EPHA6: variants seen among roughly 807,000 people sequenced by gnomAD.
EPHA6 encodes ephrin type-A receptor 6.
In EPHA6, 50 loss-of-function variants were observed where a neutral mutation model predicts 112.0. That is an observed-to-expected ratio of 0.45 (90% CI 0.36 to 0.56). The LOEUF is 0.56. Ranked by LOEUF, EPHA6 falls within the 20% of genes least tolerant of loss-of-function variation. The pLI is 0.00. For synonymous variants in EPHA6, 529 were observed against 490.7 expected (o/e 1.08, Z -1.03); for missense variants, 1,280 against 1,417.4 (o/e 0.90, Z 1.56).
At chr3:97,177,687 C>T (rs560108536) in intron 3 of EPHA6, among the ~76,000 whole-genome samples, 98 of 151,982 alleles carry the variant, frequency 6.4e-4, no homozygotes, top group African/African-American at 2.2e-3. Context: ...TAATCGACCC[C>T]TTTATCATCA....
At position 97,329,606 on chromosome 3, in the gene EPHA6, A is replaced by C. The variant is rs1011237978; in HGVS notation, c.1607-75544A>C. ...TTTTTCATGTGTCTTTTGGCTGCATAAATGTCTTCTTCTGAGAAGTGTCTG... is the reference window on the plus strand; with the variant it reads ...TTTTTCATGTGTCTTTTGGCTGCATCAATGTCTTCTTCTGAGAAGTGTCTG... On this transcript the variant is annotated intron_variant, in intron 5 of 17. Coordinates refer to ENST00000389672, the MANE Select transcript of EPHA6 (RefSeq NM_001080448.3). 2.1e-3 allele frequency among the ~76,000 whole-genome samples: 324 copies of C among 152,188 alleles called. 1 individual carries two copies. Among genetic ancestry groups the C allele is most frequent in the African/African-American group, 6.9e-3 (288 of 41,482 alleles).
At chr3:97,014,703 T>C (rs958409585) in intron 3 of EPHA6, among the ~76,000 whole-genome samples, 1 of 151,990 alleles carries the variant, frequency 6.6e-6, no homozygotes, top group African/African-American at 2.4e-5. Context: ...CATTGAAGAG[T>C]CCAGCATTGC....
In EPHA6 at chr3:97,552,620, A is replaced by G. The variant is rs115121064; in HGVS notation, c.2386+20077A>G. Among the ~76,000 whole-genome samples, 1,200 of 152,332 alleles carry G rather than the reference A, an allele frequency of 7.9e-3. 13 individuals are homozygous for G. Among genetic ancestry groups the G allele is most frequent in the African/African-American group, 0.028 (1,149 of 41,586 alleles). On this transcript the variant is annotated intron_variant, in intron 11 of 17. Coordinates refer to ENST00000389672, the MANE Select transcript of EPHA6 (RefSeq NM_001080448.3). ...GACATTATGAGAAAAGTCATGCTGC[A>G]GTTTAGAACCTTGATAAGCCAATCA...
At chr3:97,116,278 G>A (rs1281420672) in intron 3 of EPHA6, among the ~76,000 whole-genome samples, 3 of 151,486 alleles carry the variant, frequency 2.0e-5, no homozygotes, top group African/African-American at 7.3e-5. Context: ...GTGATGTTTT[G>A]ATATTAGTAT....
At chr3:97,218,400 C>T (rs4857248) in intron 3 of EPHA6, among the ~76,000 whole-genome samples, 36,082 of 152,116 alleles carry the variant, frequency 0.24, 11,087 homozygotes, top group African/African-American at 0.7. Context: ...CACAATTCAG[C>T]ATGGCTGGGG....
At chr3:97,394,524 G>A (rs950861128) in intron 5 of EPHA6, among the ~76,000 whole-genome samples, 4 of 151,670 alleles carry the variant, frequency 2.6e-5, no homozygotes, top group Non-Finnish European at 5.9e-5. Flanking sequence ...CTATGAATGT[G>A]AAAAAGGATT....
chr3:96,909,554 C>T (rs2039110884), intron 2 of EPHA6, among the ~76,000 whole-genome samples: 1 of 151,768 alleles, frequency 6.6e-6, no homozygotes, highest in Non-Finnish European at 1.5e-5. Flanking sequence ...GTCTGGAGTT[C>T]ACTTACTGAA....
chr3:97,239,533 A>G (rs557189249), intron 4 of EPHA6, among the ~76,000 whole-genome samples: 7 of 152,064 alleles, frequency 4.6e-5, no homozygotes, highest in African/African-American at 1.7e-4. Context: ...ATTATTTATT[A>G]TATTATTACA....
At chr3:97,124,717 GA>G (rs1332398783) in intron 3 of EPHA6, among the ~76,000 whole-genome samples, 5 of 152,064 alleles carry the variant, frequency 3.3e-5, no homozygotes, top group African/African-American at 1.2e-4. Context: ...TCTAGATATA[GA>G]AAAATGCAAA....
At chr3:97,511,950 TAGA>T (rs1026094197) in intron 10 of EPHA6, among the ~76,000 whole-genome samples, 9 of 152,252 alleles carry the variant, frequency 5.9e-5, no homozygotes, top group Admixed American at 4.6e-4. Flanking sequence ...ATTTCCTTCC[TAGA>T]AGGATATATA....
At chr3:97,214,481 CAAAAA>C (rs1166034294) in intron 3 of EPHA6, among the ~76,000 whole-genome samples, 1 of 63,034 alleles carries the variant, frequency 1.6e-5, no homozygotes, top group Non-Finnish European at 3.8e-5. Flanking sequence ...AACTTTGTCT[CAAAAA>C]AAAAAAAAAA....
At chr3:97,019,869 G>C (rs1032731234) in intron 3 of EPHA6, among the ~76,000 whole-genome samples, 2 of 152,070 alleles carry the variant, frequency 1.3e-5, no homozygotes, top group Non-Finnish European at 2.9e-5. Context: ...TGTTTACTGT[G>C]TGTAGTATTT....
chr3:97,248,869 T>G (rs540131374), intron 5 of EPHA6, among the ~76,000 whole-genome samples: 1 of 152,268 alleles, frequency 6.6e-6, no homozygotes, highest in Non-Finnish European at 1.5e-5. Flanking sequence ...CTATTTCAAA[T>G]GCCAACCTTT....
chr3:97,548,936 C>G (rs954017244), intron 11 of EPHA6, among the ~76,000 whole-genome samples: 2 of 152,210 alleles, frequency 1.3e-5, no homozygotes, highest in African/African-American at 4.8e-5. Flanking sequence ...TGGAAAACTC[C>G]TATCACCCAG....
chr3:97,220,872 A>C (rs1242355547), intron 3 of EPHA6, among the ~76,000 whole-genome samples: 1 of 152,234 alleles, frequency 6.6e-6, no homozygotes, highest in African/African-American at 2.4e-5. Flanking sequence ...TACTATTTAG[A>C]AATGTAACTT....
At chr3:96,840,735 G>C (rs1200287662) in intron 1 of EPHA6, among the ~76,000 whole-genome samples, 1 of 152,046 alleles carries the variant, frequency 6.6e-6, no homozygotes, top group Non-Finnish European at 1.5e-5. Context: ...CCGGTGTCTT[G>C]AGGTGGGACA....
At chr3:97,020,997 T>A (rs2044438653) in intron 3 of EPHA6, among the ~76,000 whole-genome samples, 1 of 152,198 alleles carries the variant, frequency 6.6e-6, no homozygotes, top group Non-Finnish European at 1.5e-5. Flanking sequence ...GAATTACAAC[T>A]TATAAAAAAC....
intron 11 of EPHA6, among the ~76,000 whole-genome samples, chr3:97,577,801 T>C (rs2093401294): frequency 6.6e-6 from 1 of 152,096 alleles, no homozygotes. Context: ...GGTTTTTTGT[T>C]TTTGTTTTTG....
intron 10 of EPHA6, among the ~76,000 whole-genome samples, chr3:97,513,984 A>G (rs1217037804): frequency 6.6e-6 from 1 of 152,150 alleles, no homozygotes. Flanking sequence ...TTGTGCTTAA[A>G]AGAATGATAT....
Sources: gnomAD v4.1 joint callset for allele counts (sites outside exome capture counted in the v4.1 genomes callset) on GRCh38, gnomAD v4.1.1 for gene constraint, MANE v1.5 for transcripts, NCBI Gene and HGNC (gene_info 2026-07-23, HGNC 2026-07-21) for gene names.